Variants in CCDC30 observed in about 807,000 individuals in gnomAD.
CCDC30 encodes coiled-coil domain-containing protein 30.
Under a neutral mutation model 100.2 loss-of-function variants are expected in CCDC30, and 70 were observed. That is an observed-to-expected ratio of 0.70 (90% CI 0.58 to 0.85). The LOEUF (loss-of-function observed/expected upper bound fraction) is 0.85, where lower values mean the gene tolerates loss of function less well. Among genes scored for constraint, CCDC30 ranks in the 40% least tolerant of loss-of-function variants. The pLI, the probability that CCDC30 is intolerant of heterozygous loss-of-function variation, is 0.00. For missense variants in CCDC30, 652 were observed against 771.2 expected (o/e 0.85, Z 1.83); for synonymous variants, 233 against 269.5 (o/e 0.86, Z 1.33).
chr1:42,493,603 C>A (rs748003738), intron 4 of CCDC30, among the ~76,000 whole-genome samples: 1 of 151,732 alleles, frequency 6.6e-6, no homozygotes, highest in Non-Finnish European at 1.5e-5. Flanking sequence ...AAAAAAAAAT[C>A]AACAAAACTA....
At chr1:42,642,609 G>C (rs1647551146) in exon 13 of CCDC30, 1 of 1,572,644 alleles carries the variant, frequency 6.4e-7, no homozygotes, top group Non-Finnish European at 8.6e-7. Context: ...ATCCAGAGCA[G>C]GTAGGTGCCA....
chr1:42,489,689 A>G (rs1644107222), intron 3 of CCDC30, among the ~76,000 whole-genome samples: 8 of 152,202 alleles, frequency 5.3e-5, no homozygotes, highest in Admixed American at 5.2e-4. Flanking sequence ...TGCCATCCTT[A>G]TACAATTCTT....
At chr1:42,461,815 C>T (rs1421609056), upstream of CCDC30, among the ~76,000 whole-genome samples, 3 of 152,034 alleles carry the variant, frequency 2.0e-5, no homozygotes, top group Non-Finnish European at 4.4e-5. Flanking sequence ...AAAGTGCTGG[C>T]ATTACAAGCG....
In CCDC30 at chr1:42,581,285, A is replaced by G. The variant is rs1645960321; in HGVS notation, c.847-75A>G. 3 of 1,116,510 alleles carry G rather than the reference A, an allele frequency of 2.7e-6. No homozygotes were observed. In the East Asian group the frequency reaches 7.1e-5, roughly 26 times the overall value. The allele number at this position is 1,116,510 out of a possible 1,614,324, so 69.2% of individuals were successfully genotyped here. On this transcript the variant is annotated intron_variant, in intron 8 of 16. Coordinates refer to ENST00000668663, the Ensembl canonical transcript of CCDC30. ...GTTAGCACTGCTATGTTTGCTATTTATATGTTATTCCCCTAATTTGAAAAA... is the reference window on the plus strand; with the variant it reads ...GTTAGCACTGCTATGTTTGCTATTTGTATGTTATTCCCCTAATTTGAAAAA...
At chr1:42,607,833 T>C (rs12025456) in intron 10 of CCDC30, among the ~76,000 whole-genome samples, 36,878 of 152,030 alleles carry the variant, frequency 0.24, 4,931 homozygotes, top group South Asian at 0.45. Flanking sequence ...AACTCTTTTT[T>C]TAGATTGATT....
intron 12 of CCDC30, among the ~76,000 whole-genome samples, chr1:42,639,389 C>G (rs1327621434): frequency 6.6e-6 from 1 of 152,170 alleles, no homozygotes; most frequent in Non-Finnish European, 1.5e-5. Context: ...CCTGGAGCCC[C>G]CATGAGTAAT....
chr1:42,514,806 A>G (rs1419569401), intron 6 of CCDC30, among the ~76,000 whole-genome samples: 1 of 152,154 alleles, frequency 6.6e-6, no homozygotes, highest in Admixed American at 6.5e-5. Flanking sequence ...GGCACCTGCC[A>G]TCATACCCAG....
At chr1:42,533,714 T>A (rs1230739837) in intron 6 of CCDC30, among the ~76,000 whole-genome samples, 1 of 152,248 alleles carries the variant, frequency 6.6e-6, no homozygotes, top group African/African-American at 2.4e-5. Context: ...CATTCATCTT[T>A]TCATTTGACT....
intron 6 of CCDC30, among the ~76,000 whole-genome samples, chr1:42,559,113 A>C (rs1645432052): frequency 6.6e-6 from 1 of 152,348 alleles, no homozygotes; most frequent in African/African-American, 2.4e-5. Flanking sequence ...CATTACCACC[A>C]GGCCTGCGCT....
At chr1:42,514,012 TC>T (rs1342036008) in intron 6 of CCDC30, among the ~76,000 whole-genome samples, 7 of 152,056 alleles carry the variant, frequency 4.6e-5, no homozygotes, top group Non-Finnish European at 1.0e-4. Flanking sequence ...CATGAAGGAT[TC>T]CCCCTCATGA....
At chr1:42,549,169 C>A (rs1379515582) in intron 6 of CCDC30, among the ~76,000 whole-genome samples, 1 of 152,088 alleles carries the variant, frequency 6.6e-6, no homozygotes, top group Non-Finnish European at 1.5e-5. Flanking sequence ...ACCATTGAGC[C>A]CTCCATTCCC....
At chr1:42,566,203 A>G (rs748171717) in intron 6 of CCDC30, 93 bp from the exon 11 acceptor site, 84 of 942,904 alleles carry the variant, frequency 8.9e-5, no homozygotes, top group Non-Finnish European at 1.3e-4. Flanking sequence ...GAATAATCAC[A>G]TTCTGACAAT....
chr1:42,621,460 C>A (rs1357322851), intron 11 of CCDC30, among the ~76,000 whole-genome samples: 1 of 151,848 alleles, frequency 6.6e-6, no homozygotes, highest in Non-Finnish European at 1.5e-5. Context: ...GGACTGCAGG[C>A]ATGTGCCACC....
At chr1:42,642,003 A>G (rs574027473) in intron 12 of CCDC30, among the ~76,000 whole-genome samples, 2 of 152,318 alleles carry the variant, frequency 1.3e-5, no homozygotes, top group Non-Finnish European at 2.9e-5. Context: ...AGGTGGGCGG[A>G]TCACAAGGTC....
chr1:42,504,385 G>C (rs1433893190), intron 6 of CCDC30, among the ~76,000 whole-genome samples: 1 of 152,156 alleles, frequency 6.6e-6, no homozygotes, highest in Non-Finnish European at 1.5e-5. Flanking sequence ...TGTTATCAAG[G>C]GGTTTTAGGT....
chr1:42,475,775 G>A (rs1036177860), intron 1 of CCDC30, among the ~76,000 whole-genome samples: 7 of 152,128 alleles, frequency 4.6e-5, no homozygotes, highest in African/African-American at 1.4e-4. Flanking sequence ...ATCAGTATCA[G>A]CTCCTCTGGA....
intron 10 of CCDC30, among the ~76,000 whole-genome samples, chr1:42,599,482 G>A (rs1271235317): frequency 6.6e-6 from 1 of 152,096 alleles, no homozygotes; most frequent in Non-Finnish European, 1.5e-5. Context: ...GGCATAAAAA[G>A]CATGGAAGAC....
chr1:42,567,080 C>T (rs1186277385), intron 7 of CCDC30, among the ~76,000 whole-genome samples: 3 of 152,056 alleles, frequency 2.0e-5, no homozygotes, highest in Non-Finnish European at 2.9e-5. Flanking sequence ...TTCTATAAGC[C>T]TCTATTGAAG....
At chr1:42,545,621 G>T in intron 6 of CCDC30, 42 bp downstream of exon 9, 1 of 1,528,516 alleles carries the variant, frequency 6.5e-7, no homozygotes. Context: ...TATTCAGAGA[G>T]GGTATATTTT....
Sources: allele counts gnomAD v4.1 joint callset (sites outside exome capture counted in the v4.1 genomes callset), GRCh38; gene constraint gnomAD v4.1.1; transcripts MANE v1.5; gene names NCBI Gene and HGNC (gene_info 2026-07-23, HGNC 2026-07-21).